The following CFAP99 variants were observed in gnomAD, a reference collection of about 807,000 sequenced individuals.
CFAP99 encodes the protein cilia- and flagella-associated protein 99.
A neutral mutation model predicts 82.7 loss-of-function variants in CFAP99; 84 were observed. The observed-to-expected ratio is 1.02, with a 90% confidence interval of 0.85 to 1.22. The LOEUF is 1.22. CFAP99 is among the 50% of genes most tolerant of loss of function. The pLI is 0.00. For missense variants in CFAP99, 1,059 were observed against 983.5 expected, an observed-to-expected ratio of 1.08 and a Z score of -1.03; for synonymous variants, 456 against 429.5, an observed-to-expected ratio of 1.06 and a Z score of -0.76.
intron 6 of CFAP99, among the ~76,000 whole-genome samples, chr4:2,447,912 GGT>G: frequency 7.6e-6 from 1 of 131,828 alleles, no homozygotes; most frequent in Non-Finnish European, 1.6e-5. Context: ...TGAATGAGTG[GGT>G]GAATGAATGG....
chr4:2,462,482 G>C lies in CFAP99; in HGVS notation c.1701G>C (p.Ala567=). Reference sequence around the variant, plus strand: ...AGGCCCTTGCGGCGGCCCCGGCGGCGCCCTCGCAGGACGAGCGCGTGCAGC... The same window carrying C: ...AGGCCCTTGCGGCGGCCCCGGCGGCCCCCTCGCAGGACGAGCGCGTGCAGC... Residue 567 remains alanine, a synonymous_variant, in exon 15 of 15, where the codon GCG becomes GCC. Coordinates refer to ENST00000635017, the Ensembl canonical transcript of CFAP99. The surrounding 1 kb of genome is among the most constrained non-coding windows in gnomAD (Gnocchi z 4.1). 1 of 1,472,622 alleles carries C rather than the reference G, an allele frequency of 6.8e-7. No individual in the cohort carries two copies. Among genetic ancestry groups the C allele is most frequent in the Non-Finnish European group, 8.9e-7 (1 of 1,121,760 alleles). 91.2% of individuals were successfully genotyped at this position (1,472,622 alleles called of 1,614,324 possible).
At chr4:2,430,492 T>C (rs376190875) in intron 2 of CFAP99, among the ~76,000 whole-genome samples, 1,975 of 93,776 alleles carry the variant, frequency 0.021, 70 homozygotes, top group African/African-American at 0.081. Flanking sequence ...TGCCAGAAAA[T>C]TACGCAATAC....
chr4:2,452,270 G>A (rs1224931504), exon 11 of CFAP99: 1 of 1,535,994 alleles, frequency 6.5e-7, no homozygotes, highest in Admixed American at 2.0e-5. Context: ...GGGAAGCTTA[G>A]CCATGAGGAG....
chr4:2,452,224 G>C (rs1474474561), exon 11 of CFAP99: 1 of 1,536,154 alleles, frequency 6.5e-7, no homozygotes, highest in South Asian at 1.2e-5. Context: ...GGACCGGGAG[G>C]AGCAGCTGGC....
chr4:2,458,708 C>A lies in CFAP99; in HGVS notation c.1162-15C>A, dbSNP rs1251403637. The A allele has an allele frequency of 2.0e-6, 3 of 1,528,006 alleles. No homozygotes were observed. The highest frequency in any genetic ancestry group is 2.7e-5 in the African/African-American group (2 of 72,916). 94.7% of individuals were successfully genotyped at this position (1,528,006 alleles called of 1,614,324 possible). On this transcript the variant is annotated splice_polypyrimidine_tract_variant and intron_variant, in intron 11 of 14. Coordinates refer to ENST00000635017, the Ensembl canonical transcript of CFAP99. ...AGCAGCCCCACTCACCGTGGCAGGT[C>A]CGCTGTCTGGGCAGATGGCCAAGCT...
intron 6 of CFAP99, among the ~76,000 whole-genome samples, chr4:2,449,152 T>G (rs907320087): frequency 2.0e-5 from 3 of 151,980 alleles, no homozygotes; most frequent in Non-Finnish European, 4.4e-5. Flanking sequence ...TGCTCCTTCA[T>G]GGACACAGCT....
At position 2,451,051 on chromosome 4, in the gene CFAP99, TC is replaced by T. The variant is rs1170756959; in HGVS notation, c.867+36del. On this transcript the variant is annotated intron_variant, in intron 9 of 14. Coordinates refer to ENST00000635017, the Ensembl canonical transcript of CFAP99. Reference sequence around the variant, plus strand: ...GTGCTCCTGGATGGTCAGGCTGCTCTCCCTGGGCACCCACCCCTCCAGACCT... The same window carrying T: ...GTGCTCCTGGATGGTCAGGCTGCTCTCCTGGGCACCCACCCCTCCAGACCT... The T allele has an allele frequency of 6.6e-6, 10 of 1,520,708 alleles. No homozygotes were observed. In the Admixed American group the frequency reaches 2.0e-4, roughly 30 times the overall value. 94.2% of individuals were successfully genotyped at this position (1,520,708 alleles called of 1,614,324 possible). A position where few individuals can be genotyped will look rare whatever the true frequency, so the allele number is the denominator to read the frequency against.
intron 11 of CFAP99, among the ~76,000 whole-genome samples, chr4:2,457,348 A>G (rs1447702817): frequency 6.6e-6 from 1 of 152,140 alleles, no homozygotes; most frequent in African/African-American, 2.4e-5. Flanking sequence ...CATGTGTTCT[A>G]CCTTCATTTT....
chr4:2,448,261 A>C lies in CFAP99; in HGVS notation c.643-1409A>C, dbSNP rs1252839085. 6.6e-6 allele frequency among the ~76,000 whole-genome samples: 1 copy of C among 152,124 alleles called. No homozygotes were observed. Among genetic ancestry groups the C allele is most frequent in the African/African-American group, 2.4e-5 (1 of 41,394 alleles). On this transcript the variant is annotated intron_variant, in intron 6 of 14. Coordinates refer to ENST00000635017, the Ensembl canonical transcript of CFAP99. The surrounding 1 kb of genome is among the most constrained non-coding windows in gnomAD (Gnocchi z 5.2). ...GTGTTTGTCTCAGGTCATGCTGCCA[A>C]CTTCATCTCTCTCTCTGTCTCTGCC... is the stretch of plus-strand genomic sequence containing the variant.
Position 2,459,614 on chromosome 4 carries a change from A to G in CFAP99, c.1455+356A>G, listed in dbSNP as rs566868532. Among the ~76,000 whole-genome samples the G allele has an allele frequency of 7.9e-5, 12 of 152,252 alleles. No individual in the cohort carries two copies. In the East Asian group the frequency reaches 2.1e-3, roughly 27 times the overall value. ...TTTTCAAAGGCTGGATGGAGGCTGC[A>G]TGGAGCAGGAGGTTGAGGAGGGCCT... On this transcript the variant is annotated intron_variant, in intron 13 of 14. Coordinates refer to ENST00000635017, the Ensembl canonical transcript of CFAP99.
chr4:2,432,582 TGCCCC>T (rs1180358091), intron 2 of CFAP99, among the ~76,000 whole-genome samples: 1 of 151,070 alleles, frequency 6.6e-6, no homozygotes, highest in East Asian at 2.0e-4. Context: ...TCCCCCAACC[TGCCCC>T]GGCCTGGACC....
At chr4:2,422,611 T>A (rs1291066708) in intron 1 of CFAP99, among the ~76,000 whole-genome samples, 2 of 151,974 alleles carry the variant, frequency 1.3e-5, no homozygotes, top group East Asian at 3.9e-4. Flanking sequence ...GACCATCCAC[T>A]CTCACCGCCC....
chr4:2,426,877 C>A, intron 2 of CFAP99: 1 of 360,722 alleles, frequency 2.8e-6, no homozygotes, highest in Non-Finnish European at 5.3e-6. Context: ...AGCCCTGGAG[C>A]GCCCCCATGC....
intron 11 of CFAP99, among the ~76,000 whole-genome samples, chr4:2,457,350 C>G (rs532209414): frequency 2.6e-5 from 4 of 152,320 alleles, no homozygotes; most frequent in African/African-American, 7.2e-5. Context: ...TGTGTTCTAC[C>G]TTCATTTTAA....
chr4:2,452,498 C>T (rs766454688), intron 11 of CFAP99, among the ~76,000 whole-genome samples, 152 bp downstream of exon 11: 9 of 152,160 alleles, frequency 5.9e-5, no homozygotes, highest in African/African-American at 1.4e-4. Flanking sequence ...TCTTCCTCCT[C>T]GAAGGACACA....
intron 2 of CFAP99, among the ~76,000 whole-genome samples, chr4:2,431,597 G>A (rs1033124593): frequency 6.6e-6 from 1 of 152,116 alleles, no homozygotes; most frequent in African/African-American, 2.4e-5. Context: ...CTTTCAATGT[G>A]GATTGCCAGT....
At chr4:2,457,933 C>T (rs1734474437) in intron 11 of CFAP99, among the ~76,000 whole-genome samples, 1 of 152,226 alleles carries the variant, frequency 6.6e-6, no homozygotes, top group African/African-American at 2.4e-5. Context: ...GAGACTTGTC[C>T]GCTGCCAGGG....
At chr4:2,424,700 G>A (rs1366452316) in intron 1 of CFAP99, among the ~76,000 whole-genome samples, 4 of 152,224 alleles carry the variant, frequency 2.6e-5, no homozygotes, top group Admixed American at 6.5e-5. Flanking sequence ...GGGGCTACCT[G>A]CATCGCAGCC....
At chr4:2,429,928 A>G (rs1017439383) in intron 2 of CFAP99, among the ~76,000 whole-genome samples, 1 of 151,558 alleles carries the variant, frequency 6.6e-6, no homozygotes, top group African/African-American at 2.4e-5. Flanking sequence ...CAAGTCCGAG[A>G]GGAATGGTGC....
Sources: allele counts gnomAD v4.1 joint callset (sites outside exome capture counted in the v4.1 genomes callset), GRCh38; gene constraint gnomAD v4.1.1; non-coding constraint Gnocchi (gnomAD v3.1); transcripts MANE v1.5; gene names NCBI Gene and HGNC (gene_info 2026-07-23, HGNC 2026-07-21).